The following TANGO2 variants were observed in gnomAD, a reference collection of about 807,000 sequenced individuals.
The protein encoded by TANGO2 is transport and golgi organization 2 homolog, also known as transport and Golgi organization protein 2 homolog.
In TANGO2, 26 loss-of-function variants were observed where a neutral mutation model predicts 39.1. The ratio of observed to expected loss-of-function variants is 0.67; its 90% CI spans 0.49 to 0.92. TANGO2 has a LOEUF of 0.92. Among genes scored for constraint, TANGO2 ranks in the 40% least tolerant of loss-of-function variants. The pLI is 0.00. For synonymous variants in TANGO2, 131 were observed against 144.5 expected (o/e 0.91, Z 0.67); for missense variants, 326 against 360.1 (o/e 0.91, Z 0.77).
intron 7 of TANGO2, among the ~76,000 whole-genome samples, chr22:20,062,044 G>A (rs549831931): frequency 4.6e-5 from 7 of 152,340 alleles, no homozygotes; most frequent in Admixed American, 2.6e-4. Context: ...AAACCCAGGC[G>A]GAAGAGACAC....
chr22:20,065,838 C>T lies in TANGO2; in HGVS notation c.*1176C>T, dbSNP rs1392699184. 1 of 152,380 alleles carries T rather than the reference C, an allele frequency of 6.6e-6. No homozygotes were observed. Among genetic ancestry groups the T allele is most frequent in the Non-Finnish European group, 1.5e-5 (1 of 68,160 alleles). 9.4% of individuals were successfully genotyped at this position (152,380 alleles called of 1,614,324 possible). On this transcript the variant is annotated 3_prime_UTR_variant, in exon 9 of 9. Transcript: ENST00000327374. ...CATCTCAGCCAGCCCTGCTCTCTCCCTCTTCCCTCCAGGTGAGGCAAACTT... is the reference window on the plus strand; with the variant it reads ...CATCTCAGCCAGCCCTGCTCTCTCCTTCTTCCCTCCAGGTGAGGCAAACTT...
intron 3 of TANGO2, 58 bp downstream of exon 3, chr22:20,043,501 G>C: frequency 8.2e-7 from 1 of 1,226,290 alleles, no homozygotes; most frequent in Non-Finnish European, 1.2e-6. Flanking sequence ...TAGCCCCTGC[G>C]TGGCCCGAGT....
upstream of TANGO2, among the ~76,000 whole-genome samples, chr22:20,018,589 AC>A (rs1945368641): frequency 6.6e-6 from 1 of 152,048 alleles, no homozygotes; most frequent in Non-Finnish European, 1.5e-5. Flanking sequence ...AGAACCATAC[AC>A]CAAAATCTGT....
chr22:20,050,899 C>A (rs913749432), intron 3 of TANGO2, among the ~76,000 whole-genome samples: 1 of 140,014 alleles, frequency 7.1e-6, no homozygotes, highest in African/African-American at 2.7e-5. Context: ...GTGATCTCGG[C>A]TCACTGCAAC....
intron 1 of TANGO2, among the ~76,000 whole-genome samples, 172 bp from the exon 2 acceptor site, chr22:20,036,588 T>A (rs1407837850): frequency 6.6e-6 from 1 of 152,208 alleles, no homozygotes; most frequent in Admixed American, 6.5e-5. Flanking sequence ...TGCATGGGTT[T>A]GGGAGTTGTT....
intron 1 of TANGO2, among the ~76,000 whole-genome samples, chr22:20,028,346 C>T (rs1182967014): frequency 2.6e-5 from 4 of 152,224 alleles, no homozygotes; most frequent in African/African-American, 9.7e-5. Context: ...AACTCCTGGC[C>T]TCAAACAATC....
chr22:20,045,830 G>C (rs1261370546), intron 3 of TANGO2, among the ~76,000 whole-genome samples: 1 of 151,836 alleles, frequency 6.6e-6, no homozygotes, highest in Non-Finnish European at 1.5e-5. Flanking sequence ...TAGTTTTTCT[G>C]TCTTCTCTCT....
chr22:20,029,979 C>T (rs2041527212), intron 1 of TANGO2, among the ~76,000 whole-genome samples: 1 of 152,086 alleles, frequency 6.6e-6, no homozygotes, highest in Non-Finnish European at 1.5e-5. Context: ...CCTCACGACG[C>T]ACATCCTTTC....
At chr22:20,059,025 GA>G (rs1440045693) in intron 6 of TANGO2, among the ~76,000 whole-genome samples, 1 of 152,184 alleles carries the variant, frequency 6.6e-6, no homozygotes, top group Non-Finnish European at 1.5e-5. Context: ...CAGCCTCTAT[GA>G]ACTGCTGAAA....
intron 2 of TANGO2, chr22:20,037,089 C>T (rs1307841297): frequency 1.3e-6 from 2 of 1,529,020 alleles, no homozygotes; most frequent in Admixed American, 4.2e-5. Flanking sequence ...CAGAAGGCAG[C>T]CACAGGTAGG....
At chr22:20,034,906 C>T (rs949725394) in intron 1 of TANGO2, among the ~76,000 whole-genome samples, 1 of 152,238 alleles carries the variant, frequency 6.6e-6, no homozygotes, top group African/African-American at 2.4e-5. Context: ...AGCTCATCAG[C>T]TCCTGGCAAT....
In TANGO2 at chr22:20,041,608, G is replaced by A. The variant is rs541848084; in HGVS notation, c.57-1747G>A. ...ATTACAGGCGTGAGCCACCGGGCCCGGCCTAATTTTTGTATTTTTAATAGA... is the reference window on the plus strand; with the variant it reads ...ATTACAGGCGTGAGCCACCGGGCCCAGCCTAATTTTTGTATTTTTAATAGA... On this transcript the variant is annotated intron_variant, in intron 2 of 8. Coordinates refer to ENST00000327374, the MANE Select transcript of TANGO2 (RefSeq NM_152906.7). 5.9e-4 allele frequency among the ~76,000 whole-genome samples: 90 copies of A among 151,884 alleles called. 1 individual carries two copies. The highest frequency in any genetic ancestry group is 4.3e-4 in the Non-Finnish European group (29 of 67,936).
chr22:20,024,642 AT>A (rs2040384656), intron 1 of TANGO2, among the ~76,000 whole-genome samples: 1 of 152,186 alleles, frequency 6.6e-6, no homozygotes. Context: ...GGGACTCACC[AT>A]GTGCAGCCCC....
In TANGO2 at chr22:20,055,695, G is replaced by A. The variant is rs558368608; in HGVS notation, c.381-248G>A. Reference sequence around the variant, plus strand: ...ATGGCAGGAGGGCATTTTAGATCCTGTGCCTCCTGGGCTGGTGGGCCCCGA... The same window carrying A: ...ATGGCAGGAGGGCATTTTAGATCCTATGCCTCCTGGGCTGGTGGGCCCCGA... On this transcript the variant is annotated intron_variant, in intron 5 of 8. Transcript: ENST00000327374. 5.3e-4 allele frequency: 306 copies of A among 577,682 alleles called. 1 individual carries two copies. Among genetic ancestry groups the A allele is most frequent in the Non-Finnish European group, 8.5e-4 (274 of 322,816 alleles). 35.8% of individuals were successfully genotyped at this position (577,682 alleles called of 1,614,324 possible).
At chr22:20,064,173 C>A (rs1249565792) in intron 8 of TANGO2, among the ~76,000 whole-genome samples, 2 of 152,232 alleles carry the variant, frequency 1.3e-5, no homozygotes, top group Non-Finnish European at 2.9e-5. Flanking sequence ...AGCTTGACCT[C>A]TTGGAAGAAC....
intron 6 of TANGO2, among the ~76,000 whole-genome samples, chr22:20,060,305 C>T (rs1053048200): frequency 1.4e-5 from 2 of 147,162 alleles, no homozygotes; most frequent in Middle Eastern, 3.4e-3. Context: ...GCCGAGATTG[C>T]GCCACCGCAC....
At chr22:20,058,781 G>A (rs1243971279) in intron 6 of TANGO2, among the ~76,000 whole-genome samples, 1 of 152,178 alleles carries the variant, frequency 6.6e-6, no homozygotes, top group African/African-American at 2.4e-5. Flanking sequence ...GAGGGGAAGG[G>A]CAGTTTGAGT....
chr22:20,031,007 G>A (rs2041743139), intron 1 of TANGO2, among the ~76,000 whole-genome samples: 1 of 151,878 alleles, frequency 6.6e-6, no homozygotes, highest in Non-Finnish European at 1.5e-5. Context: ...AGACCATCCT[G>A]GCCAACATGG....
intron 1 of TANGO2, among the ~76,000 whole-genome samples, chr22:20,028,424 C>T (rs143788132): frequency 2.6e-5 from 4 of 152,304 alleles, no homozygotes; most frequent in East Asian, 1.9e-4. Context: ...GGCTTTGGCC[C>T]GTTAAATGTC....
Sources: allele counts gnomAD v4.1 joint callset (sites outside exome capture counted in the v4.1 genomes callset), GRCh38; gene constraint gnomAD v4.1.1; transcripts MANE v1.5; gene names NCBI Gene and HGNC (gene_info 2026-07-23, HGNC 2026-07-21).